The following PLEKHH1 variants were observed in gnomAD, a reference collection of about 807,000 sequenced individuals.
PLEKHH1 encodes pleckstrin homology domain-containing family H member 1.
In PLEKHH1, 104 loss-of-function variants were observed where a neutral mutation model predicts 160.0. The observed-to-expected ratio is 0.65, with a 90% CI of 0.55 to 0.76. The LOEUF (loss-of-function observed/expected upper bound fraction) is 0.76. PLEKHH1 is among the 30% of genes least tolerant of loss of function. The pLI is 0.00. For synonymous variants in PLEKHH1, 619 were observed against 678.4 expected (o/e 0.91, Z 1.36); for missense variants, 1,427 against 1,724.1 (o/e 0.83, Z 3.05).
chr14:67,583,677 C>T, intron 24 of PLEKHH1, 64 bp from the exon 25 acceptor site: 1 of 1,286,332 alleles, frequency 7.8e-7, no homozygotes, highest in Non-Finnish European at 1.1e-6. Flanking sequence ...CACCTCTCAA[C>T]AGCCCCCACC....
At chr14:67,580,110 G>C in intron 22 of PLEKHH1, 1 of 486,464 alleles carries the variant, frequency 2.1e-6, no homozygotes, top group East Asian at 3.6e-5. Flanking sequence ...TACTTCCCTC[G>C]AGTGGCTGTG....
chr14:67,582,115 C>G lies in PLEKHH1; in HGVS notation c.3331C>G (p.Leu1111Val). 6.2e-7 allele frequency: 1 copy of G among 1,613,442 alleles called. No individual in the cohort carries two copies. Among genetic ancestry groups the G allele is most frequent in the Non-Finnish European group, 8.5e-7 (1 of 1,179,762 alleles). The stretch of plus-strand genomic sequence containing the variant: ...CAAAGGGGAGACGGACCGAGAACGG[C>G]TGCTCCTTGCCTCTCAAACCAGTAG... ...QVKGETDRER[L>V]LLASQTSREI... The change falls in exon 24 of 29, where the codon CTG becomes GTG. Residue 1111 changes from leucine to valine, a missense_variant. By Grantham distance (32) the Leu-to-Val change is conservative. This residue lies in a region of PLEKHH1 where 436 missense variants were observed against 607.5 expected (regional missense o/e 0.72). Transcript: ENST00000329153. This position sits in a 1 kb window ranked among gnomAD's most constrained non-coding sequence, Gnocchi z 5.0.
chr14:67,587,314 G>A lies in PLEKHH1; in HGVS notation c.*79G>A. 2 of 1,522,148 alleles carry A rather than the reference G, an allele frequency of 1.3e-6. No individual in the cohort carries two copies. The highest frequency in any genetic ancestry group is 1.8e-6 in the Non-Finnish European group (2 of 1,096,354). The allele number at this position is 1,522,148 out of a possible 1,614,324, so 94.3% of individuals were successfully genotyped here. On this transcript the variant is annotated 3_prime_UTR_variant, in exon 29 of 29. Transcript: ENST00000329153. Reference sequence around the variant, plus strand: ...ATATATCCTAGGGTATGATACTACTGTGACGGGTCTAACAGCCCCCGGCTA... The same window carrying A: ...ATATATCCTAGGGTATGATACTACTATGACGGGTCTAACAGCCCCCGGCTA...
chr14:67,574,140 G>A lies in PLEKHH1; in HGVS notation c.1927-102G>A. On this transcript the variant is annotated intron_variant, in intron 13 of 28. Coordinates refer to ENST00000329153, the MANE Select transcript of PLEKHH1 (RefSeq NM_020715.3). The surrounding 1 kb of genome is among the most constrained non-coding windows in gnomAD (Gnocchi z 4.2). ...GAGGGAGCACTAGGGCAGGCAGAAG[G>A]CCAGCCCCTTGGGTTCAGGGACAGG... 5 of 1,068,044 alleles carry A rather than the reference G, an allele frequency of 4.7e-6. No individual in the cohort carries two copies. The highest frequency in any genetic ancestry group is 6.7e-6 in the Non-Finnish European group (5 of 748,134). The allele number at this position is 1,068,044 out of a possible 1,614,324, so 66.2% of individuals were successfully genotyped here.
Position 67,587,378 on chromosome 14 carries a change from G to A in PLEKHH1, c.*143G>A, listed in dbSNP as rs1470293465. On this transcript the variant is annotated 3_prime_UTR_variant, in exon 29 of 29. Coordinates refer to ENST00000329153, the MANE Select transcript of PLEKHH1 (RefSeq NM_020715.3). The stretch of plus-strand genomic sequence containing the variant: ...AAATGTGTATTTTAGTCTCTGTGAA[G>A]CCTTTACTCTCTAGGTGCCTTATAA... 1 of 929,550 alleles carries A rather than the reference G, an allele frequency of 1.1e-6. No individual in the cohort carries two copies. Among genetic ancestry groups the A allele is most frequent in the African/African-American group, 1.6e-5 (1 of 61,248 alleles). The allele number at this position is 929,550 out of a possible 1,614,324, so 57.6% of individuals were successfully genotyped here.
chr14:67,574,154 T>C lies in PLEKHH1; in HGVS notation c.1927-88T>C. 8.0e-7 allele frequency: 1 copy of C among 1,243,714 alleles called. No individual in the cohort carries two copies. Among genetic ancestry groups the C allele is most frequent in the Non-Finnish European group, 1.1e-6 (1 of 904,890 alleles). 77.0% of individuals were successfully genotyped at this position (1,243,714 alleles called of 1,614,324 possible). ...GCAGGCAGAAGGCCAGCCCCTTGGG[T>C]TCAGGGACAGGTGCCACCTCGGAGC... On this transcript the variant is annotated intron_variant, in intron 13 of 28. Coordinates refer to ENST00000329153, the MANE Select transcript of PLEKHH1 (RefSeq NM_020715.3). The surrounding 1 kb of genome is among the most constrained non-coding windows in gnomAD (Gnocchi z 4.2).
intron 4 of PLEKHH1, 31 bp from the exon 5 acceptor site, chr14:67,559,577 G>T: frequency 6.8e-7 from 1 of 1,469,352 alleles, no homozygotes; most frequent in Non-Finnish European, 9.4e-7. Flanking sequence ...GTGATTGTTG[G>T]GATTAACGGA....
At position 67,562,818 on chromosome 14, in the gene PLEKHH1, C is replaced by T. The variant is rs958100290; in HGVS notation, c.1187C>T (p.Ala396Val). The T allele has an allele frequency of 3.1e-6, 5 of 1,613,688 alleles. No individual in the cohort carries two copies. In the East Asian group the frequency reaches 8.9e-5, roughly 29 times the overall value. Residue 396 changes from alanine (A) to valine (V), a missense_variant, in exon 7 of 29, where the codon GCC becomes GTC. Transcript: ENST00000329153. ...AATGAGGAAAGAGAGAGCCCAAAGG[C>T]CCTTGGAGCTGAGCTGGAGGAAGTG... The part of the protein sequence containing the change: ...GKNEERESPK[A>V]LGAELEEVEL...
At chr14:67,579,659 C>A in intron 21 of PLEKHH1, 62 bp from the exon 22 acceptor site, 1 of 1,521,158 alleles carries the variant, frequency 6.6e-7, no homozygotes, top group Non-Finnish European at 9.0e-7. Flanking sequence ...GACACCTCCA[C>A]CAGCCCTAGT....
At chr14:67,536,794 G>C (rs951076222) in intron 1 of PLEKHH1, among the ~76,000 whole-genome samples, 4 of 151,858 alleles carry the variant, frequency 2.6e-5, no homozygotes, top group Admixed American at 2.6e-4. Flanking sequence ...TGTAATCCCA[G>C]CACTTTGGGA....
chr14:67,563,121 C>T (rs978279218), intron 7 of PLEKHH1, among the ~76,000 whole-genome samples: 1 of 152,210 alleles, frequency 6.6e-6, no homozygotes, highest in African/African-American at 2.4e-5. Flanking sequence ...GAGTGCTCAC[C>T]GTGCACCATA....
rs2035398706 is a variant in PLEKHH1, at chr14:67,571,977, GGGC to G, written c.1585+77_1585+79del. 2.6e-6 allele frequency: 4 copies of G among 1,529,802 alleles called. No homozygotes were observed. The East Asian group carries it at 9.7e-5, about 37-fold the overall frequency. 94.8% of individuals were successfully genotyped at this position (1,529,802 alleles called of 1,614,324 possible). A position where few individuals can be genotyped will look rare whatever the true frequency, so the allele number is the denominator to read the frequency against. Reference sequence around the variant, plus strand: ...CCTCTTCCCATGGGCACTTGAACATGGGCGTCCCCACTTGATCTGAGCTCGTGA... The same window carrying G: ...CCTCTTCCCATGGGCACTTGAACATGGTCCCCACTTGATCTGAGCTCGTGA... On this transcript the variant is annotated intron_variant, in intron 10 of 28. Coordinates refer to ENST00000329153, the MANE Select transcript of PLEKHH1 (RefSeq NM_020715.3).
chr14:67,585,924 C>T, intron 27 of PLEKHH1, 27 bp from the exon 28 acceptor site: 2 of 1,596,710 alleles, frequency 1.3e-6, no homozygotes, highest in South Asian at 1.1e-5. Flanking sequence ...GAAAGTTTCC[C>T]CACAACTGAC....
Position 67,573,429 on chromosome 14 carries a change from C to A in PLEKHH1, c.1839+43C>A. 6.1e-6 allele frequency: 7 copies of A among 1,154,642 alleles called. No individual in the cohort carries two copies. The highest frequency in any genetic ancestry group is 7.9e-6 in the Non-Finnish European group (6 of 762,684). The allele number at this position is 1,154,642 out of a possible 1,614,324, so 71.5% of individuals were successfully genotyped here. On this transcript the variant is annotated intron_variant, in intron 12 of 28. Transcript: ENST00000329153. This position sits in a 1 kb window ranked among gnomAD's most constrained non-coding sequence, Gnocchi z 4.8. ...CAGCACTGCAGTCAAAAGGTCTCCACATCACACCCTGGACTATGTCAGATG... is the reference window on the plus strand; with the variant it reads ...CAGCACTGCAGTCAAAAGGTCTCCAAATCACACCCTGGACTATGTCAGATG...
chr14:67,539,179 G>A (rs558246997), intron 1 of PLEKHH1, among the ~76,000 whole-genome samples: 1 of 152,288 alleles, frequency 6.6e-6, no homozygotes, highest in East Asian at 1.9e-4. Context: ...AAAGGACAAG[G>A]AAAAATCAAA....
chr14:67,568,776 G>A (rs944040711), intron 7 of PLEKHH1, among the ~76,000 whole-genome samples: 1 of 152,052 alleles, frequency 6.6e-6, no homozygotes, highest in African/African-American at 2.4e-5. Context: ...TCTCTAAAAC[G>A]GGTAGGATTC....
chr14:67,587,399 TATA>T lies in PLEKHH1; in HGVS notation c.*167_*169del, dbSNP rs1006174676. ...TGAAGCCTTTACTCTCTAGGTGCCTTATAATGTTTCAGGGCTCAACTTTTTAAA... is the reference window on the plus strand; with the variant it reads ...TGAAGCCTTTACTCTCTAGGTGCCTTATGTTTCAGGGCTCAACTTTTTAAA... On this transcript the variant is annotated 3_prime_UTR_variant, in exon 29 of 29. Transcript: ENST00000329153. 331 of 758,288 alleles carry T rather than the reference TATA, an allele frequency of 4.4e-4. 1 individual carries two copies. In the Middle Eastern group the frequency reaches 9.2e-3, roughly 21 times the overall value. The allele number at this position is 758,288 out of a possible 1,614,324, so 47.0% of individuals were successfully genotyped here. A position where few individuals can be genotyped will look rare whatever the true frequency, so the allele number is the denominator to read the frequency against.
intron 5 of PLEKHH1, among the ~76,000 whole-genome samples, chr14:67,560,533 C>T (rs1448979781): frequency 6.6e-6 from 1 of 152,190 alleles, no homozygotes; most frequent in Non-Finnish European, 1.5e-5. Flanking sequence ...CCCATTCTCT[C>T]TTCCCCCATC....
Position 67,576,283 on chromosome 14 carries a change from C to A in PLEKHH1, c.2353-112C>A, listed in dbSNP as rs1410740094. 7 of 650,784 alleles carry A rather than the reference C, an allele frequency of 1.1e-5. No homozygotes were observed. The African/African-American group carries it at 1.3e-4, about 12-fold the overall frequency. 40.3% of individuals were successfully genotyped at this position (650,784 alleles called of 1,614,324 possible). On this transcript the variant is annotated intron_variant, in intron 16 of 28. Transcript: ENST00000329153. The surrounding 1 kb of genome is among the most constrained non-coding windows in gnomAD (Gnocchi z 4.0). ...CCAGGTAGCCCTGACTCATGCCAAC[C>A]AAACTAGCTGAACCCCACATGGGCT...
Sources: allele counts gnomAD v4.1 joint callset (sites outside exome capture counted in the v4.1 genomes callset), GRCh38; gene constraint gnomAD v4.1.1; regional missense constraint gnomAD v4.1.1; non-coding constraint Gnocchi (gnomAD v3.1); transcripts MANE v1.5; gene names NCBI Gene and HGNC (gene_info 2026-07-23, HGNC 2026-07-21).